Variants in ACOX1 observed in about 807,000 individuals in gnomAD.
The protein encoded by ACOX1 is acyl-CoA oxidase 1, also known as peroxisomal acyl-coenzyme A oxidase 1.
A neutral mutation model predicts 75.5 loss-of-function variants in ACOX1; 41 were observed. The observed-to-expected ratio is 0.54, with a 90% CI of 0.42 to 0.70. ACOX1 has a LOEUF of 0.70. Among genes scored for constraint, ACOX1 ranks in the 30% least tolerant of loss-of-function variants. The probability of loss-of-function intolerance (pLI) is 0.00; values close to 1 mark genes in which losing one functional copy is unlikely to be tolerated. For missense variants in ACOX1, 630 were observed against 837.5 expected (o/e 0.75, Z 3.06); for synonymous variants, 303 against 298.8 (o/e 1.01, Z -0.15).
At position 75,946,759 on chromosome 17, in the gene ACOX1, A is replaced by T; in HGVS notation, c.1972T>A (p.Ser658Thr). The change falls in exon 14 of 14, where the codon TCC becomes ACC. Residue 658 changes from serine to threonine, a missense_variant. By Grantham distance (58) the Ser-to-Thr change is moderately conservative. This residue lies in a region of ACOX1 where 240 missense variants were observed against 262.7 expected (regional missense o/e 0.91). Transcript: ENST00000293217. ...ESYKHLKSLQSKL is the reference protein window; with the variant it reads ...ESYKHLKSLQTKL ...GTCCTTGTGACACTTCAGAGCTTGGACTGCAGTGACTTCAGGTGCTTGTAA... is the reference window on the plus strand; with the variant it reads ...GTCCTTGTGACACTTCAGAGCTTGGTCTGCAGTGACTTCAGGTGCTTGTAA... 6.2e-7 allele frequency: 1 copy of T among 1,613,988 alleles called. No individual in the cohort carries two copies. Among genetic ancestry groups the T allele is most frequent in the Non-Finnish European group, 8.5e-7 (1 of 1,179,878 alleles).
intron 2 of ACOX1, among the ~76,000 whole-genome samples, chr17:75,968,438 A>C (rs1374952142): frequency 2.3e-5 from 3 of 130,152 alleles, no homozygotes; most frequent in Non-Finnish European, 4.8e-5. Context: ...TCCGTCTCAA[A>C]AAAAAAAAAA....
chr17:75,949,345 C>T lies in ACOX1; in HGVS notation c.1600G>A (p.Val534Met). ...VRASEAHCHY[V>M]VVKLFSEKLL... The stretch of plus-strand genomic sequence containing the variant: ...TTTTCTGAAAAGAGCTTAACTACCA[C>T]ATAGTGGCAATGTGCCTAAGATTAA... The change falls in exon 12 of 14, where the codon GTG becomes ATG. Residue 534 changes from valine (V) to methionine (M), a missense_variant. Transcript: ENST00000293217. The T allele has an allele frequency of 6.2e-7, 1 of 1,614,148 alleles. No homozygotes were observed. Among genetic ancestry groups the T allele is most frequent in the Non-Finnish European group, 8.5e-7 (1 of 1,180,040 alleles).
At position 75,978,842 on chromosome 17, in the gene ACOX1, G is replaced by T; in HGVS notation, c.109+123C>A. On this transcript the variant is annotated intron_variant, in intron 1 of 13. Coordinates refer to ENST00000293217, the MANE Select transcript of ACOX1 (RefSeq NM_004035.7). This position sits in a 1 kb window ranked among gnomAD's most constrained non-coding sequence, Gnocchi z 4.2. ...AGGGACACAGGCTGTTCCTCGAAGT[G>T]GGGGTCCCGGCTCCCCTAACGCTGG... 1 of 1,597,462 alleles carries T rather than the reference G, an allele frequency of 6.3e-7. No homozygotes were observed.
intron 2 of ACOX1, among the ~76,000 whole-genome samples, chr17:75,975,046 T>A: frequency 1.1e-5 from 1 of 89,386 alleles, no homozygotes. Context: ...CGAGACTCTG[T>A]CTCCAAAAAA....
chr17:75,946,348 G>T lies in ACOX1; in HGVS notation c.*400C>A. ...GAACACTGAGCAGGAAAGCTTGGAA[G>T]GGTTCTACACCACTTCAAAAATACC... On this transcript the variant is annotated 3_prime_UTR_variant, in exon 14 of 14. Coordinates refer to ENST00000293217, the MANE Select transcript of ACOX1 (RefSeq NM_004035.7). 3.8e-6 allele frequency: 1 copy of T among 263,728 alleles called. No individual in the cohort carries two copies. Among genetic ancestry groups the T allele is most frequent in the Middle Eastern group, 1.5e-3 (1 of 646 alleles). 16.3% of individuals were successfully genotyped at this position (263,728 alleles called of 1,614,324 possible).
chr17:75,948,393 AGAGT>A lies in ACOX1; in HGVS notation c.1789_1792del (p.Thr597Ter), dbSNP rs769644289. The stretch of plus-strand genomic sequence containing the variant: ...CAAAGCAACAGCATCTGAGCGAATC[AGAGT>A]GAGTAACTCCTTTACACGCTGGTTT... On this transcript the variant is annotated frameshift_variant, in exon 13 of 14. Transcript: ENST00000293217. LOFTEE classifies it high-confidence loss of function. 12 of 1,614,218 alleles carry A rather than the reference AGAGT, an allele frequency of 7.4e-6. No homozygotes were observed. Among genetic ancestry groups the A allele is most frequent in the East Asian group, 4.5e-5 (2 of 44,890 alleles).
At chr17:75,951,084 G>T in intron 8 of ACOX1, 120 bp from the exon 9 acceptor site, 2 of 1,051,972 alleles carry the variant, frequency 1.9e-6, no homozygotes, top group Non-Finnish European at 2.9e-6. Flanking sequence ...TGCCACACAT[G>T]CAAACTGAAG....
intron 2 of ACOX1, among the ~76,000 whole-genome samples, chr17:75,975,686 G>A (rs961353681): frequency 1.1e-4 from 17 of 152,118 alleles, no homozygotes; most frequent in African/African-American, 3.6e-4. Context: ...GCTTATGCCT[G>A]TAATCCCAGC....
intron 2 of ACOX1, among the ~76,000 whole-genome samples, chr17:75,969,816 T>A (rs2065975865): frequency 6.6e-6 from 1 of 152,092 alleles, no homozygotes; most frequent in African/African-American, 2.4e-5. Flanking sequence ...CAAGGCAATG[T>A]GACCCCAGTC....
intron 3 of ACOX1, among the ~76,000 whole-genome samples, chr17:75,958,319 C>T (rs1404208681): frequency 6.9e-6 from 1 of 144,070 alleles, no homozygotes; most frequent in Non-Finnish European, 1.5e-5. Context: ...TGCCACCGCA[C>T]TCCAGCCTGG....
chr17:75,957,129 A>G (rs1449137126), intron 4 of ACOX1, among the ~76,000 whole-genome samples: 1 of 151,692 alleles, frequency 6.6e-6, no homozygotes, highest in Admixed American at 6.6e-5. Flanking sequence ...TGTGATGCCC[A>G]GGCTGGAGTG....
chr17:75,970,607 C>T lies in ACOX1; in HGVS notation c.269+7927G>A, dbSNP rs551954687. On this transcript the variant is annotated intron_variant, in intron 2 of 13. Transcript: ENST00000293217. ...AAGGAACATGGAGTGAACCTGAATA[C>T]TTCTGAGCCCCTTCACTTCTCAGCA... Among the ~76,000 whole-genome samples the T allele has an allele frequency of 3.9e-5, 6 of 152,324 alleles. No homozygotes were observed. In the South Asian group the frequency reaches 8.3e-4, roughly 21 times the overall value.
In ACOX1 at chr17:75,979,106, G is replaced by A; in HGVS notation, c.-33C>T. On this transcript the variant is annotated 5_prime_UTR_variant, in exon 1 of 14. Coordinates refer to ENST00000293217, the MANE Select transcript of ACOX1 (RefSeq NM_004035.7). ...ACCAGCTGGCAGCGAAGTAAGCACC[G>A]ACCGAGGTGGCAGTGACAATCTAAA... is the stretch of plus-strand genomic sequence containing the variant. 6.2e-7 allele frequency: 1 copy of A among 1,607,340 alleles called. No homozygotes were observed. Among genetic ancestry groups the A allele is most frequent in the Non-Finnish European group, 8.5e-7 (1 of 1,179,854 alleles).
Position 75,951,568 on chromosome 17 carries a change from T to C in ACOX1, c.954A>G (p.Glu318=), listed in dbSNP as rs16968343. 1,179 of 1,614,086 alleles carry C rather than the reference T, an allele frequency of 7.3e-4. 6 individuals carry two copies. The African/African-American group carries it at 0.014, about 19-fold the overall frequency. The change falls in exon 8 of 14, where the codon GAA becomes GAG. Residue 318 remains glutamate (E), a synonymous_variant. Transcript: ENST00000293217. Reference sequence around the variant, plus strand: ...GGGTTTGAAAATCCAAAATCTGTGGTTCTGGTTCACTACGTGACATAGAAA... The same window carrying C: ...GGGTTTGAAAATCCAAAATCTGTGGCTCTGGTTCACTACGTGACATAGAAA... ...HQSEIKPGEP[E]PQILDFQTQQ...
At chr17:75,977,226 C>G (rs2066059784) in intron 2 of ACOX1, among the ~76,000 whole-genome samples, 1 of 151,474 alleles carries the variant, frequency 6.6e-6, no homozygotes, top group South Asian at 2.1e-4. Flanking sequence ...GAGCTCCTGG[C>G]CTCAAGTGAT....
chr17:75,970,203 A>G (rs984841506), intron 2 of ACOX1, among the ~76,000 whole-genome samples: 14 of 146,864 alleles, frequency 9.5e-5, no homozygotes, highest in Admixed American at 2.0e-4. Context: ...AAAAAAAAAG[A>G]GGAAGGAAGG....
At chr17:75,966,200 T>C (rs936438811) in intron 2 of ACOX1, among the ~76,000 whole-genome samples, 2 of 151,884 alleles carry the variant, frequency 1.3e-5, no homozygotes, top group African/African-American at 4.8e-5. Context: ...GGCTCGTGCC[T>C]GTAATCCCAG....
intron 2 of ACOX1, among the ~76,000 whole-genome samples, chr17:75,967,683 TATATATATACATAC>T (rs1245582408): frequency 2.7e-5 from 3 of 110,514 alleles, no homozygotes; most frequent in Non-Finnish European, 5.2e-5. Flanking sequence ...TATATATACG[TATATATATACATAC>T]ATATATATAC....
At position 75,950,387 on chromosome 17, in the gene ACOX1, C is replaced by T. The variant is rs923632076; in HGVS notation, c.1298+387G>A. ...CAGCCTCCCAAGTAGGCCGGGATTA[C>T]AGGCAATGTGCCATCATGCCCGGCT... On this transcript the variant is annotated intron_variant, in intron 9 of 13. Coordinates refer to ENST00000293217, the MANE Select transcript of ACOX1 (RefSeq NM_004035.7). This position sits in a 1 kb window ranked among gnomAD's most constrained non-coding sequence, Gnocchi z 4.3. 2.6e-5 allele frequency among the ~76,000 whole-genome samples: 4 copies of T among 152,154 alleles called. No individual in the cohort carries two copies. The highest frequency in any genetic ancestry group is 1.3e-4 in the Admixed American group (2 of 15,258).
Sources: allele counts gnomAD v4.1 joint callset (sites outside exome capture counted in the v4.1 genomes callset), GRCh38; gene constraint gnomAD v4.1.1; regional missense constraint gnomAD v4.1.1; non-coding constraint Gnocchi (gnomAD v3.1); transcripts MANE v1.5; gene names NCBI Gene and HGNC (gene_info 2026-07-23, HGNC 2026-07-21).